The following UEVLD variants were observed in gnomAD, a reference collection of about 807,000 sequenced individuals.
UEVLD encodes UEV and lactate/malate dehyrogenase domains, also known as ubiquitin-conjugating enzyme E2 variant 3.
A neutral mutation model predicts 58.6 loss-of-function variants in UEVLD; 47 were observed. The observed-to-expected ratio is 0.80, with a 90% confidence interval of 0.63 to 1.02. The LOEUF (loss-of-function observed/expected upper bound fraction) is 1.02. UEVLD is among the 50% of genes least tolerant of loss of function. The pLI is 0.00. For missense variants in UEVLD, 510 were observed against 550.6 expected, an observed-to-expected ratio of 0.93 and a Z score of 0.74; for synonymous variants, 197 against 195.3, an observed-to-expected ratio of 1.01 and a Z score of -0.07.
intron 3 of UEVLD, 88 bp from the exon 4 acceptor site, chr11:18,570,465 G>A (rs1852544811): frequency 7.9e-6 from 10 of 1,263,946 alleles, no homozygotes; most frequent in Middle Eastern, 2.6e-4. Flanking sequence ...GAAATGAGTA[G>A]GCTGGGGTGG....
intron 7 of UEVLD, among the ~76,000 whole-genome samples, chr11:18,549,702 A>G (rs1403618572): frequency 2.0e-5 from 3 of 152,056 alleles, no homozygotes; most frequent in African/African-American, 7.2e-5. Flanking sequence ...TACAGGCGTA[A>G]GCCACTGTGC....
intron 9 of UEVLD, among the ~76,000 whole-genome samples, chr11:18,542,581 A>G (rs1302161999): frequency 1.3e-5 from 2 of 152,190 alleles, no homozygotes; most frequent in Non-Finnish European, 2.9e-5. Context: ...GATTTAAAAT[A>G]CTGTTATATT....
At chr11:18,554,832 A>T (rs777005822) in intron 7 of UEVLD, among the ~76,000 whole-genome samples, 2 of 152,182 alleles carry the variant, frequency 1.3e-5, no homozygotes, top group Non-Finnish European at 2.9e-5. Flanking sequence ...TATAGTAGCT[A>T]TTAAAAAAGA....
At chr11:18,538,698 G>T (rs1342372101) in intron 9 of UEVLD, among the ~76,000 whole-genome samples, 2 of 151,844 alleles carry the variant, frequency 1.3e-5, no homozygotes, top group Non-Finnish European at 2.9e-5. Context: ...ATTATATTTG[G>T]TAACAAAGGG....
chr11:18,552,720 G>A (rs1339801753), intron 7 of UEVLD, among the ~76,000 whole-genome samples: 1 of 151,760 alleles, frequency 6.6e-6, no homozygotes, highest in Non-Finnish European at 1.5e-5. Context: ...AATTAGCCAG[G>A]TGTGGTGGCA....
intron 1 of UEVLD, among the ~76,000 whole-genome samples, chr11:18,581,773 A>G (rs1853252874): frequency 6.6e-6 from 1 of 152,132 alleles, no homozygotes; most frequent in Non-Finnish European, 1.5e-5. Flanking sequence ...AAACAACTTG[A>G]GAGCAGGAAT....
At chr11:18,577,218 C>G (rs989404363) in intron 2 of UEVLD, among the ~76,000 whole-genome samples, 6 of 151,916 alleles carry the variant, frequency 3.9e-5, no homozygotes, top group Non-Finnish European at 7.4e-5. Context: ...TCCAGTCTCC[C>G]GCAAAAACAA....
intron 7 of UEVLD, among the ~76,000 whole-genome samples, chr11:18,557,475 A>C (rs1438217666): frequency 6.6e-6 from 1 of 151,974 alleles, no homozygotes; most frequent in Non-Finnish European, 1.5e-5. Context: ...TTGACACAGA[A>C]AATCTTTTTA....
In UEVLD at chr11:18,566,328, GC is replaced by G. The variant is rs1199420306; in HGVS notation, c.493+18del. 1.9e-6 allele frequency: 3 copies of G among 1,613,106 alleles called. No individual in the cohort carries two copies. In the African/African-American group the frequency reaches 4.0e-5, roughly 22 times the overall value. On this transcript the variant is annotated intron_variant, in intron 5 of 11. Coordinates refer to ENST00000396197, the MANE Select transcript of UEVLD (RefSeq NM_001040697.4). The stretch of plus-strand genomic sequence containing the variant: ...TAACTCATAACTCTCAAGATAATCT[GC>G]CTGACAAATATACAAACCTTCAGTG...
intron 7 of UEVLD, among the ~76,000 whole-genome samples, chr11:18,554,624 C>A (rs2133995609): frequency 6.6e-6 from 1 of 151,942 alleles, no homozygotes; most frequent in East Asian, 1.9e-4. Flanking sequence ...TCCTCAACCC[C>A]TGACCTCAGG....
At chr11:18,555,318 C>T (rs919104934) in intron 7 of UEVLD, among the ~76,000 whole-genome samples, 1 of 151,622 alleles carries the variant, frequency 6.6e-6, no homozygotes, top group Non-Finnish European at 1.5e-5. Context: ...CCCAGCTACT[C>T]GGGAGGCTGA....
Position 18,570,324 on chromosome 11 carries a change from C to A in UEVLD, c.247G>T (p.Ala83Ser), listed in dbSNP as rs201991675. 3 of 1,580,726 alleles carry A rather than the reference C, an allele frequency of 1.9e-6. No homozygotes were observed. The highest frequency in any genetic ancestry group is 2.8e-5 in the African/African-American group (2 of 72,162). Reference sequence around the variant, plus strand: ...GGCTTCAAGAAGCAAATAGGGGGAGCGAAAGGGTGAGAATCCAAAATCCAG... The same window carrying A: ...GGCTTCAAGAAGCAAATAGGGGGAGAGAAAGGGTGAGAATCCAAAATCCAG... Reference protein sequence around the residue: ...RFWILDSHPFAPPICFLKPTA... With the variant: ...RFWILDSHPFSPPICFLKPTA... Residue 83 changes from alanine (A) to serine (S), a missense_variant, in exon 4 of 12, where the codon GCT becomes TCT. Physicochemically the swap from Ala to Ser is moderately conservative, Grantham distance 99 (BLOSUM62 1). Coordinates refer to ENST00000396197, the MANE Select transcript of UEVLD (RefSeq NM_001040697.4).
intron 3 of UEVLD, among the ~76,000 whole-genome samples, chr11:18,573,151 T>G (rs1197312385): frequency 6.6e-6 from 1 of 152,202 alleles, no homozygotes; most frequent in East Asian, 1.9e-4. Flanking sequence ...AGGACAGGCA[T>G]AGTGCCAATC....
At chr11:18,536,342 T>C (rs1850792819) in intron 10 of UEVLD, 64 bp downstream of exon 10, 4 of 1,457,758 alleles carry the variant, frequency 2.7e-6, no homozygotes, top group East Asian at 4.5e-5. Context: ...ACTGTATAAA[T>C]AGCTGTTAGC....
intron 11 of UEVLD, among the ~76,000 whole-genome samples, chr11:18,533,040 A>AT (rs1172527447): frequency 5.4e-5 from 8 of 147,882 alleles, no homozygotes; most frequent in Admixed American, 1.3e-4. Flanking sequence ...TCTTCTGGCT[A>AT]TTTTTTCTTT....
At chr11:18,556,407 G>A (rs1032797752) in intron 7 of UEVLD, among the ~76,000 whole-genome samples, 2 of 152,188 alleles carry the variant, frequency 1.3e-5, no homozygotes, top group Non-Finnish European at 2.9e-5. Flanking sequence ...GCAGCCGAAG[G>A]CTTACTAAAA....
Position 18,530,356 on chromosome 11 carries a change from A to G in UEVLD, c.*1964T>C, listed in dbSNP as rs1030551549. The G allele has an allele frequency of 6.6e-5, 10 of 152,242 alleles. No individual in the cohort carries two copies. The highest frequency in any genetic ancestry group is 1.2e-4 in the Non-Finnish European group (8 of 68,038). The allele number at this position is 152,242 out of a possible 1,614,324, so 9.4% of individuals were successfully genotyped here. ...CTCTGGTTGGAATCTTTCCAAGCAT[A>G]TTAAATAGTTTTCTGCTTTCCTAAC... On this transcript the variant is annotated 3_prime_UTR_variant, in exon 12 of 12. Transcript: ENST00000396197.
chr11:18,565,981 C>A (rs2134024164), intron 5 of UEVLD, among the ~76,000 whole-genome samples: 1 of 150,396 alleles, frequency 6.6e-6, no homozygotes, highest in East Asian at 2.0e-4. Context: ...TCACTGCAAC[C>A]TCTGCCTCCC....
At chr11:18,560,421 G>A (rs1378287993) in intron 6 of UEVLD, among the ~76,000 whole-genome samples, 1 of 152,100 alleles carries the variant, frequency 6.6e-6, no homozygotes, top group Non-Finnish European at 1.5e-5. Context: ...TACATATTAT[G>A]GGTATGGGAA....
Sources: gnomAD v4.1 joint callset for allele counts (sites outside exome capture counted in the v4.1 genomes callset) on GRCh38, gnomAD v4.1.1 for gene constraint, MANE v1.5 for transcripts, NCBI Gene and HGNC (gene_info 2026-07-23, HGNC 2026-07-21) for gene names.